Variants in CLEC2D observed in about 807,000 individuals in gnomAD.
The protein encoded by CLEC2D is C-type lectin domain family 2 member D.
CLEC2D carries 16 observed loss-of-function variants against 20.0 expected under a neutral mutation model. The observed-to-expected ratio is 0.80, with a 90% CI of 0.54 to 1.22. The LOEUF (loss-of-function observed/expected upper bound fraction) is 1.22, where lower values mean the gene tolerates loss of function less well. Among genes scored for constraint, CLEC2D ranks in the 50% most tolerant of loss-of-function variants. The pLI, the probability that CLEC2D is intolerant of heterozygous loss-of-function variation, is 0.00. For missense variants in CLEC2D, 207 were observed against 221.5 expected, an observed-to-expected ratio of 0.93 and a Z score of 0.42; for synonymous variants, 77 against 71.1, an observed-to-expected ratio of 1.08 and a Z score of -0.42.
chr12:9,676,985 A>G (rs967350630), intron 1 of CLEC2D, among the ~76,000 whole-genome samples: 3 of 152,070 alleles, frequency 2.0e-5, no homozygotes, highest in Non-Finnish European at 2.9e-5. Context: ...TATTTCTGAT[A>G]TAGATAATTT....
intron 1 of CLEC2D, among the ~76,000 whole-genome samples, chr12:9,670,014 T>C (rs578015295): frequency 7.2e-6 from 1 of 138,026 alleles, no homozygotes; most frequent in Admixed American, 7.7e-5. Context: ...GAGAGAAAGA[T>C]GTAAGACAAT....
In CLEC2D at chr12:9,695,577, G is replaced by C. The variant is rs1165183006; in HGVS notation, c.*703G>C. ...TGCACATTGTTGAAGCAGAGGCCAT[G>C]AATGACGAAGGCAGTCCAATTAAAG... On this transcript the variant is annotated 3_prime_UTR_variant, in exon 5 of 5. Coordinates refer to ENST00000290855, the MANE Select transcript of CLEC2D (RefSeq NM_013269.6). The C allele has an allele frequency of 2.7e-6, 4 of 1,496,148 alleles. No individual in the cohort carries two copies. The highest frequency in any genetic ancestry group is 3.7e-6 in the Non-Finnish European group (4 of 1,088,220). 92.7% of individuals were successfully genotyped at this position (1,496,148 alleles called of 1,614,324 possible).
chr12:9,679,382 T>A (rs1424702906), intron 1 of CLEC2D, among the ~76,000 whole-genome samples: 1 of 152,082 alleles, frequency 6.6e-6, no homozygotes, highest in Non-Finnish European at 1.5e-5. Flanking sequence ...TGGCAACAAG[T>A]TATCTCAATG....
intron 2 of CLEC2D, among the ~76,000 whole-genome samples, chr12:9,686,309 T>A (rs1473284768): frequency 6.6e-6 from 1 of 151,950 alleles, no homozygotes; most frequent in Non-Finnish European, 1.5e-5. Context: ...TCTTGCCCTC[T>A]CTGGTCTGGT....
intron 2 of CLEC2D, among the ~76,000 whole-genome samples, chr12:9,686,050 C>A (rs147554505): frequency 6.6e-6 from 1 of 152,098 alleles, no homozygotes; most frequent in Non-Finnish European, 1.5e-5. Flanking sequence ...GTATCTGGGC[C>A]AGATAGCACC....
chr12:9,672,438 A>G (rs1226036974), intron 1 of CLEC2D, among the ~76,000 whole-genome samples: 1 of 152,200 alleles, frequency 6.6e-6, no homozygotes, highest in Non-Finnish European at 1.5e-5. Flanking sequence ...TGTAGCACTC[A>G]AAATTCATAA....
chr12:9,670,263 A>G lies in CLEC2D; in HGVS notation c.61+468A>G, dbSNP rs564069055. 2.6e-4 allele frequency among the ~76,000 whole-genome samples: 39 copies of G among 151,844 alleles called. No homozygotes were observed. The East Asian group carries it at 6.8e-3, about 26-fold the overall frequency. On this transcript the variant is annotated intron_variant, in intron 1 of 4. Transcript: ENST00000290855. Reference sequence around the variant, plus strand: ...TAGGGCATTCTAATGGAATTATGTTACATTGGATGCACTGGAAATATATAT... The same window carrying G: ...TAGGGCATTCTAATGGAATTATGTTGCATTGGATGCACTGGAAATATATAT...
At chr12:9,690,379 T>C (rs1342618370) in intron 3 of CLEC2D, among the ~76,000 whole-genome samples, 1 of 152,092 alleles carries the variant, frequency 6.6e-6, no homozygotes, top group Non-Finnish European at 1.5e-5. Context: ...CCTTTTAGGC[T>C]GAACTGAAAG....
In CLEC2D at chr12:9,696,292, A is replaced by G; in HGVS notation, c.*1418A>G. 4.4e-6 allele frequency: 3 copies of G among 685,110 alleles called. No homozygotes were observed. Among genetic ancestry groups the G allele is most frequent in the Non-Finnish European group, 8.1e-6 (3 of 370,708 alleles). 42.4% of individuals were successfully genotyped at this position (685,110 alleles called of 1,614,324 possible). A position where few individuals can be genotyped will look rare whatever the true frequency, so the allele number is the denominator to read the frequency against. ...TCTTATTTCATTTCTGTAACAGTTG[A>G]TATCTGGCTGTCCTTTTTATAGTGC... On this transcript the variant is annotated 3_prime_UTR_variant, in exon 5 of 5. Coordinates refer to ENST00000290855, the MANE Select transcript of CLEC2D (RefSeq NM_013269.6).
Position 9,695,195 on chromosome 12 carries a change from A to G in CLEC2D, c.*321A>G. On this transcript the variant is annotated 3_prime_UTR_variant, in exon 5 of 5. Coordinates refer to ENST00000290855, the MANE Select transcript of CLEC2D (RefSeq NM_013269.6). Reference sequence around the variant, plus strand: ...CAGAAGGCAAATGGGAAGCAAAGTCATGTCTTATGTGGTGGCAGGCAGGGG... The same window carrying G: ...CAGAAGGCAAATGGGAAGCAAAGTCGTGTCTTATGTGGTGGCAGGCAGGGG... 1 of 593,470 alleles carries G rather than the reference A, an allele frequency of 1.7e-6. No individual in the cohort carries two copies. Among genetic ancestry groups the G allele is most frequent in the Non-Finnish European group, 3.0e-6 (1 of 333,146 alleles). The allele number at this position is 593,470 out of a possible 1,614,324, so 36.8% of individuals were successfully genotyped here. A position where few individuals can be genotyped will look rare whatever the true frequency, so the allele number is the denominator to read the frequency against.
At chr12:9,675,221 TCTCA>T (rs1219778813) in intron 1 of CLEC2D, among the ~76,000 whole-genome samples, 1 of 145,396 alleles carries the variant, frequency 6.9e-6, no homozygotes, top group Non-Finnish European at 1.5e-5. Context: ...AGAGACGGAG[TCTCA>T]CTCTCTTGCC....
At chr12:9,683,322 G>T (rs1317588941) in intron 2 of CLEC2D, among the ~76,000 whole-genome samples, 22 of 80,862 alleles carry the variant, frequency 2.7e-4, no homozygotes, top group South Asian at 2.0e-3. Flanking sequence ...ATGATAGTTT[G>T]TTTTTTGTGT....
chr12:9,679,947 A>G (rs1388507859), intron 1 of CLEC2D, among the ~76,000 whole-genome samples: 2 of 152,194 alleles, frequency 1.3e-5, no homozygotes, highest in African/African-American at 2.4e-5. Flanking sequence ...ATACAATACA[A>G]ATATGTAGCT....
chr12:9,673,470 G>A lies in CLEC2D; in HGVS notation c.61+3675G>A, dbSNP rs186699022. Among the ~76,000 whole-genome samples, 4 of 152,338 alleles carry A rather than the reference G, an allele frequency of 2.6e-5. No individual in the cohort carries two copies. The East Asian group carries it at 5.8e-4, about 22-fold the overall frequency. Reference sequence around the variant, plus strand: ...AGGGGCACTGGCCTGATGCCAGCCGGAACTCTTCTGTATGAGGTGTCTGGT... The same window carrying A: ...AGGGGCACTGGCCTGATGCCAGCCGAAACTCTTCTGTATGAGGTGTCTGGT... On this transcript the variant is annotated intron_variant, in intron 1 of 4. Coordinates refer to ENST00000290855, the MANE Select transcript of CLEC2D (RefSeq NM_013269.6).
chr12:9,681,057 C>A, intron 2 of CLEC2D, 24 bp downstream of exon 2: 1 of 1,156,984 alleles, frequency 8.6e-7, no homozygotes, highest in Non-Finnish European at 1.3e-6. Context: ...AATCTTTATT[C>A]ATCTAGAGAG....
At chr12:9,686,095 G>T (rs142275429) in intron 2 of CLEC2D, among the ~76,000 whole-genome samples, 12 of 151,922 alleles carry the variant, frequency 7.9e-5, no homozygotes, top group Admixed American at 4.6e-4. Context: ...CCCTTGGCTA[G>T]GGGAGGGAGT....
chr12:9,673,934 C>CG (rs1865471882), intron 1 of CLEC2D: 1 of 152,786 alleles, frequency 6.5e-6, no homozygotes, highest in Admixed American at 6.5e-5. Flanking sequence ...CACCCCTCCC[C>CG]CCAGGAACTT....
chr12:9,680,975 ATTT>A lies in CLEC2D; in HGVS notation c.117_119del (p.Phe40del), dbSNP rs1865623589. On this transcript the variant is annotated inframe_deletion, in exon 2 of 5. Coordinates refer to ENST00000290855, the MANE Select transcript of CLEC2D (RefSeq NM_013269.6). ...TTAAAGCTACCTTAATTTGGCGCTT[ATTT>A]TTCTTAATCATGTTTCTGACAATCA... 6.2e-7 allele frequency: 1 copy of A among 1,607,786 alleles called. No individual in the cohort carries two copies. Among genetic ancestry groups the A allele is most frequent in the Non-Finnish European group, 8.5e-7 (1 of 1,175,366 alleles).
chr12:9,670,817 A>G (rs1865402914), intron 1 of CLEC2D, among the ~76,000 whole-genome samples: 1 of 152,204 alleles, frequency 6.6e-6, no homozygotes, highest in African/African-American at 2.4e-5. Context: ...TGCTATTCAG[A>G]CATGTGCATC....
Sources: allele counts gnomAD v4.1 joint callset (sites outside exome capture counted in the v4.1 genomes callset), GRCh38; gene constraint gnomAD v4.1.1; transcripts MANE v1.5; gene names NCBI Gene and HGNC (gene_info 2026-07-23, HGNC 2026-07-21).